LIMCH1: variants seen among roughly 807,000 people sequenced by gnomAD.
LIMCH1 encodes LIM and calponin homology domains-containing protein 1.
Under a neutral mutation model 176.5 loss-of-function variants are expected in LIMCH1, and 113 were observed. The observed-to-expected ratio is 0.64, with a 90% CI of 0.55 to 0.75. LIMCH1 has a LOEUF of 0.75. LIMCH1 is among the 30% of genes least tolerant of loss of function. The pLI, the probability that LIMCH1 is intolerant of heterozygous loss-of-function variation, is 0.00. For synonymous variants in LIMCH1, 619 were observed against 645.9 expected (o/e 0.96, Z 0.63); for missense variants, 1,674 against 1,814.9 (o/e 0.92, Z 1.41).
At chr4:41,600,392 A>G (rs1317795007) in intron 2 of LIMCH1, among the ~76,000 whole-genome samples, 1 of 152,190 alleles carries the variant, frequency 6.6e-6, no homozygotes, top group African/African-American at 2.4e-5. Context: ...AAGTGACCAG[A>G]AACAATAGCA....
intron 1 of LIMCH1, among the ~76,000 whole-genome samples, chr4:41,467,171 A>G (rs563906432): frequency 1.5e-5 from 2 of 130,168 alleles, no homozygotes; most frequent in South Asian, 4.6e-4. Context: ...ACACACACAC[A>G]CACACACACA....
chr4:41,555,275 C>T (rs2081079643), intron 1 of LIMCH1, among the ~76,000 whole-genome samples: 1 of 152,166 alleles, frequency 6.6e-6, no homozygotes, highest in African/African-American at 2.4e-5. Context: ...TCCCCTGTGC[C>T]ACTTGATGGG....
At chr4:41,538,777 CT>C (rs1483888942) in intron 1 of LIMCH1, among the ~76,000 whole-genome samples, 1 of 152,104 alleles carries the variant, frequency 6.6e-6, no homozygotes, top group Non-Finnish European at 1.5e-5. Context: ...ACCTGAGCCC[CT>C]GTCACATTCT....
chr4:41,600,933 T>C (rs953402998), intron 2 of LIMCH1, among the ~76,000 whole-genome samples: 4 of 152,342 alleles, frequency 2.6e-5, no homozygotes, highest in Admixed American at 6.5e-5. Flanking sequence ...TTTTCCGTCT[T>C]TTTTTCTGTC....
intron 1 of LIMCH1, among the ~76,000 whole-genome samples, chr4:41,587,651 C>G (rs796229855): frequency 1.1e-4 from 16 of 152,282 alleles, no homozygotes; most frequent in African/African-American, 3.4e-4. Flanking sequence ...ATACTGGACT[C>G]TGTAATCCAA....
intron 21 of LIMCH1, among the ~76,000 whole-genome samples, chr4:41,667,949 A>G (rs2094886567): frequency 6.6e-6 from 1 of 150,862 alleles, no homozygotes; most frequent in African/African-American, 2.5e-5. Flanking sequence ...TGTGCAACAT[A>G]GCAAGACTTT....
intron 4 of LIMCH1, chr4:41,613,047 G>A: frequency 6.4e-7 from 1 of 1,551,950 alleles, no homozygotes; most frequent in Non-Finnish European, 8.7e-7. Flanking sequence ...CTAAACCAGG[G>A]GCTCATTCCC....
chr4:41,435,890 A>T (rs2062028734), intron 1 of LIMCH1, among the ~76,000 whole-genome samples: 1 of 152,224 alleles, frequency 6.6e-6, no homozygotes, highest in African/African-American at 2.4e-5. Context: ...GTAGCAACTT[A>T]TTGACATGAT....
At chr4:41,400,290 T>C (rs986298844) in intron 1 of LIMCH1, among the ~76,000 whole-genome samples, 1 of 152,204 alleles carries the variant, frequency 6.6e-6, no homozygotes, top group African/African-American at 2.4e-5. Flanking sequence ...GGAGAGTTCC[T>C]AAACTGTGTC....
intron 7 of LIMCH1, among the ~76,000 whole-genome samples, chr4:41,622,965 T>G (rs2092691630): frequency 6.6e-6 from 1 of 152,174 alleles, no homozygotes; most frequent in East Asian, 1.9e-4. Context: ...CCAGAATTCA[T>G]TTGTTAGGCA....
At chr4:41,371,460 C>T (rs1170400320) in intron 1 of LIMCH1, among the ~76,000 whole-genome samples, 2 of 152,144 alleles carry the variant, frequency 1.3e-5, no homozygotes, top group African/African-American at 4.8e-5. Flanking sequence ...CAGTCTTTTT[C>T]TCCTTGATTG....
At chr4:41,684,656 G>A (rs868686052) in intron 27 of LIMCH1, 138 bp downstream of exon 27, 4 of 873,734 alleles carry the variant, frequency 4.6e-6, no homozygotes, top group Middle Eastern at 2.7e-4. Flanking sequence ...CCAATATATA[G>A]TGAATAAACT....
intron 1 of LIMCH1, among the ~76,000 whole-genome samples, chr4:41,466,011 T>G (rs1485441146): frequency 6.8e-6 from 1 of 146,334 alleles, no homozygotes; most frequent in East Asian, 2.0e-4. Context: ...CACACTGGAG[T>G]GCAGTGGCAC....
intron 2 of LIMCH1, among the ~76,000 whole-genome samples, chr4:41,602,951 G>A (rs1017163850): frequency 6.6e-6 from 1 of 152,064 alleles, no homozygotes; most frequent in Non-Finnish European, 1.5e-5. Flanking sequence ...CTATGTCCTT[G>A]TTGATGGGTT....
chr4:41,577,266 C>T (rs1362621475), intron 1 of LIMCH1, among the ~76,000 whole-genome samples: 1 of 151,916 alleles, frequency 6.6e-6, no homozygotes, highest in East Asian at 1.9e-4. Flanking sequence ...ACAGTATACC[C>T]GTTTCTGTAC....
Position 41,646,488 on chromosome 4 carries a change from G to A in LIMCH1, c.2415G>A (p.Glu805=), listed in dbSNP as rs1376736110. Residue 805 remains glutamate, a synonymous_variant, in exon 17 of 32, where the codon GAG becomes GAA. Transcript: ENST00000503057. ...KTYREIVQEK[E]RRERELHEAY... is the part of the protein sequence containing the mutation. ...TTGCTTCTCCCATGTCCTTTAGAGA[G>A]CGGAGAGAGAGAGAGCTGCATGAAG... 1.2e-6 allele frequency: 2 copies of A among 1,612,368 alleles called. No individual in the cohort carries two copies. Among genetic ancestry groups the A allele is most frequent in the Middle Eastern group, 1.6e-4 (1 of 6,080 alleles).
At chr4:41,604,091 G>T (rs2090353750) in intron 3 of LIMCH1, 186 bp downstream of exon 3, 1 of 575,082 alleles carries the variant, frequency 1.7e-6, no homozygotes, top group Non-Finnish European at 2.2e-6. Flanking sequence ...GGCTGGGGTG[G>T]TGGTGGTTCT....
chr4:41,595,565 A>T (rs1487829623), intron 1 of LIMCH1, among the ~76,000 whole-genome samples: 1 of 152,176 alleles, frequency 6.6e-6, no homozygotes, highest in Non-Finnish European at 1.5e-5. Flanking sequence ...TTGAAAATAA[A>T]TGAAATAATC....
At chr4:41,653,450 C>T (rs998802785) in intron 18 of LIMCH1, among the ~76,000 whole-genome samples, 1 of 152,090 alleles carries the variant, frequency 6.6e-6, no homozygotes, top group Non-Finnish European at 1.5e-5. Flanking sequence ...ACTTCATTTT[C>T]TGTTTCTAAT....
Sources: gnomAD v4.1 joint callset for allele counts (sites outside exome capture counted in the v4.1 genomes callset) on GRCh38, gnomAD v4.1.1 for gene constraint, MANE v1.5 for transcripts, NCBI Gene and HGNC (gene_info 2026-07-23, HGNC 2026-07-21) for gene names.